Variants in TMEM132B observed in about 807,000 individuals in gnomAD.
The protein encoded by TMEM132B is transmembrane protein 132B.
A neutral mutation model predicts 90.8 loss-of-function variants in TMEM132B; 18 were observed. That is an observed-to-expected ratio of 0.20 (90% confidence interval 0.14 to 0.29). TMEM132B has a LOEUF of 0.29. Ranked by LOEUF, TMEM132B falls within the 10% of genes least tolerant of loss-of-function variation. TMEM132B has a pLI of 1.00. For missense variants in TMEM132B, 1,096 were observed against 1,326.8 expected (o/e 0.83, Z 2.70); for synonymous variants, 504 against 523.3 (o/e 0.96, Z 0.50).
At chr12:125,244,513 G>C (rs1318374137) in intron 1 of TMEM132B, among the ~76,000 whole-genome samples, 2 of 152,208 alleles carry the variant, frequency 1.3e-5, no homozygotes, top group African/African-American at 4.8e-5. Flanking sequence ...TTCCCAGGCT[G>C]CATCTTCCCC....
At chr12:125,314,632 G>T (rs549880748) in intron 1 of TMEM132B, among the ~76,000 whole-genome samples, 1 of 152,252 alleles carries the variant, frequency 6.6e-6, no homozygotes, top group African/African-American at 2.4e-5. Context: ...CGCACAAGAG[G>T]TCGCGAACCC....
intron 1 of TMEM132B, among the ~76,000 whole-genome samples, chr12:125,302,249 C>T (rs1454310097): frequency 6.6e-6 from 1 of 151,782 alleles, no homozygotes; most frequent in East Asian, 1.9e-4. Context: ...CCTGTGGTCC[C>T]AGCTACTAGG....
intron 3 of TMEM132B, among the ~76,000 whole-genome samples, chr12:125,516,128 A>G (rs750199579): frequency 2.0e-5 from 3 of 147,726 alleles, no homozygotes; most frequent in Admixed American, 6.7e-5. Context: ...CACTATCGCA[A>G]TCTCACACAC....
intron 5 of TMEM132B, chr12:125,587,916 T>G (rs1029959054): frequency 6.6e-6 from 1 of 152,092 alleles, no homozygotes; most frequent in Non-Finnish European, 1.5e-5. Context: ...GAGAAATGAT[T>G]GAAGGAAGTG....
intron 1 of TMEM132B, among the ~76,000 whole-genome samples, chr12:125,271,501 G>A (rs1424319907): frequency 6.6e-6 from 1 of 152,182 alleles, no homozygotes; most frequent in Non-Finnish European, 1.5e-5. Context: ...CACAATTCAT[G>A]AGGGTTGAGT....
intron 2 of TMEM132B, among the ~76,000 whole-genome samples, chr12:125,389,970 C>T (rs1878962254): frequency 6.6e-6 from 1 of 152,180 alleles, no homozygotes; most frequent in African/African-American, 2.4e-5. Flanking sequence ...AATGAACAAA[C>T]CTGTGTAACT....
rs144064293 is a variant in TMEM132B at position 125,277,119 on chromosome 12, A to G, written c.68-72333A>G. On this transcript the variant is annotated intron_variant, in intron 1 of 8. Transcript: ENST00000682704. This position sits in a 1 kb window ranked among gnomAD's most constrained non-coding sequence, Gnocchi z 4.3. ...TAGTTGGGAAAGAGTGTCTTTGCAT[A>G]TGTGGTCAAGTTAAGATGTGGTCAT... is the stretch of plus-strand genomic sequence containing the variant. Among the ~76,000 whole-genome samples the G allele has an allele frequency of 1.7e-3, 253 of 150,564 alleles. No individual in the cohort carries two copies. Among genetic ancestry groups the G allele is most frequent in the African/African-American group, 6.0e-3 (244 of 40,976 alleles).
At chr12:125,540,880 C>T (rs1272304915) in intron 4 of TMEM132B, among the ~76,000 whole-genome samples, 1 of 152,256 alleles carries the variant, frequency 6.6e-6, no homozygotes, top group Non-Finnish European at 1.5e-5. Context: ...GATCTGGCCC[C>T]TGGCCACCTT....
chr12:125,231,764 A>T (rs906351314), intron 1 of TMEM132B, among the ~76,000 whole-genome samples: 7 of 133,254 alleles, frequency 5.3e-5, no homozygotes, highest in Non-Finnish European at 1.2e-4. Flanking sequence ...TCTTTAAATT[A>T]AAAAAAAAAC....
intron 4 of TMEM132B, among the ~76,000 whole-genome samples, chr12:125,531,927 G>A (rs1275245904): frequency 6.6e-6 from 1 of 152,226 alleles, no homozygotes; most frequent in Non-Finnish European, 1.5e-5. Context: ...GGCGCTGCAA[G>A]CCAACTACCC....
At chr12:125,575,078 A>ATATATATATATATATATATATT (rs1311570495) in intron 4 of TMEM132B, among the ~76,000 whole-genome samples, 18 of 108,976 alleles carry the variant, frequency 1.7e-4, no homozygotes, top group African/African-American at 5.7e-4. Flanking sequence ...ATATATATAT[A>ATATATATATATATATATATATT]TATATTCAGG....
At chr12:125,602,050 C>T (rs1293458981) in intron 5 of TMEM132B, among the ~76,000 whole-genome samples, 2 of 152,136 alleles carry the variant, frequency 1.3e-5, no homozygotes, top group African/African-American at 4.8e-5. Context: ...AGGAGCTGGT[C>T]CCATTCCTTC....
chr12:125,477,967 C>G (rs1274301354), intron 3 of TMEM132B, among the ~76,000 whole-genome samples: 1 of 152,206 alleles, frequency 6.6e-6, no homozygotes, highest in Admixed American at 6.5e-5. Flanking sequence ...GGTACCCAGG[C>G]AAACAGGGTC....
Position 125,655,200 on chromosome 12 carries a change from C to T in TMEM132B, c.*490C>T, listed in dbSNP as rs1887030410. On this transcript the variant is annotated 3_prime_UTR_variant, in exon 9 of 9. Coordinates refer to ENST00000682704, the MANE Select transcript of TMEM132B (RefSeq NM_001366854.1). ...CTCATTATTTTTATATACATTTGCA[C>T]CTGCACCTGTTCCTTTGACCTCTGG... The T allele has an allele frequency of 6.5e-6, 1 of 153,512 alleles. No individual in the cohort carries two copies. The highest frequency in any genetic ancestry group is 6.5e-5 in the Admixed American group (1 of 15,496). 9.5% of individuals were successfully genotyped at this position (153,512 alleles called of 1,614,324 possible).
intron 1 of TMEM132B, among the ~76,000 whole-genome samples, chr12:125,205,212 A>C (rs1873152831): frequency 6.6e-6 from 1 of 151,640 alleles, no homozygotes. Flanking sequence ...GTATCTCATG[A>C]GTCCTTTCAA....
intron 2 of TMEM132B, among the ~76,000 whole-genome samples, chr12:125,371,847 A>G (rs1464250755): frequency 6.6e-6 from 1 of 152,164 alleles, no homozygotes; most frequent in Non-Finnish European, 1.5e-5. Flanking sequence ...TTGGTTAAGA[A>G]TTTTGTCAGA....
chr12:125,277,540 C>CACACACAT lies in TMEM132B; in HGVS notation c.68-71910_68-71909insACACATAC, dbSNP rs1875030320. 6.6e-6 allele frequency among the ~76,000 whole-genome samples: 1 copy of CACACACAT among 150,898 alleles called. No individual in the cohort carries two copies. The highest frequency in any genetic ancestry group is 2.5e-5 in the African/African-American group (1 of 40,492). ...ACACACACACACACATACACACACA[C>CACACACAT]ACGGGAAGGCCATGTGAAGATGCAG... On this transcript the variant is annotated intron_variant, in intron 1 of 8. Transcript: ENST00000682704. The surrounding 1 kb of genome is among the most constrained non-coding windows in gnomAD (Gnocchi z 4.3).
At chr12:125,653,483 A>T in intron 8 of TMEM132B, 82 bp from the exon 9 acceptor site, 1 of 1,428,332 alleles carries the variant, frequency 7.0e-7, no homozygotes, top group South Asian at 1.4e-5. Context: ...TATTTAAACA[A>T]TTTATATAGG....
intron 3 of TMEM132B, among the ~76,000 whole-genome samples, chr12:125,484,698 AT>A (rs1326480219): frequency 6.6e-6 from 1 of 152,032 alleles, no homozygotes; most frequent in Non-Finnish European, 1.5e-5. Context: ...CGGTGTGATC[AT>A]AGCTCACTGC....
Sources: gnomAD v4.1 joint callset for allele counts (sites outside exome capture counted in the v4.1 genomes callset) on GRCh38, gnomAD v4.1.1 for gene constraint, Gnocchi (gnomAD v3.1) non-coding constraint, MANE v1.5 for transcripts, NCBI Gene and HGNC (gene_info 2026-07-23, HGNC 2026-07-21) for gene names.